STXBP5L: variants seen among roughly 807,000 people sequenced by gnomAD.
STXBP5L encodes the protein syntaxin-binding protein 5-like.
A neutral mutation model predicts 144.5 loss-of-function variants in STXBP5L; 65 were observed. That is an observed-to-expected ratio of 0.45 (90% CI 0.37 to 0.55). The LOEUF is 0.55. STXBP5L is among the 20% of genes least tolerant of loss of function. The probability of loss-of-function intolerance (pLI) is 0.00; values close to 1 mark genes in which losing one functional copy is unlikely to be tolerated. For synonymous variants in STXBP5L, 505 were observed against 469.6 expected, an observed-to-expected ratio of 1.08 and a Z score of -0.97; for missense variants, 1,298 against 1,405.5, an observed-to-expected ratio of 0.92 and a Z score of 1.22.
intron 20 of STXBP5L, among the ~76,000 whole-genome samples, chr3:121,345,829 A>C (rs2044943150): frequency 6.6e-6 from 1 of 151,906 alleles, no homozygotes; most frequent in Non-Finnish European, 1.5e-5. Flanking sequence ...AGTAATTTTT[A>C]AATTCAGACA....
At chr3:121,129,065 G>T (rs1349828956) in intron 7 of STXBP5L, among the ~76,000 whole-genome samples, 1 of 152,020 alleles carries the variant, frequency 6.6e-6, no homozygotes, top group South Asian at 2.1e-4. Flanking sequence ...CCTCCAGTTA[G>T]AGGCGAGACA....
intron 2 of STXBP5L, among the ~76,000 whole-genome samples, chr3:120,916,656 A>G (rs1709117730): frequency 6.6e-6 from 1 of 152,188 alleles, no homozygotes; most frequent in African/African-American, 2.4e-5. Flanking sequence ...TAAAATCGAC[A>G]TCTTATTTGG....
intron 14 of STXBP5L, among the ~76,000 whole-genome samples, chr3:121,242,409 G>C (rs1320860704): frequency 6.6e-6 from 1 of 152,194 alleles, no homozygotes; most frequent in South Asian, 2.1e-4. Context: ...TGTAAATAGA[G>C]TTAAGGCTTT....
chr3:121,009,038 G>T (rs968337891), intron 3 of STXBP5L, among the ~76,000 whole-genome samples: 2 of 151,990 alleles, frequency 1.3e-5, no homozygotes, highest in Admixed American at 6.6e-5. Flanking sequence ...GAGACAGTGA[G>T]TAGATGAACT....
chr3:121,173,388 A>T (rs1559823384), intron 9 of STXBP5L, among the ~76,000 whole-genome samples: 1 of 151,450 alleles, frequency 6.6e-6, no homozygotes, highest in Non-Finnish European at 1.5e-5. Flanking sequence ...AGTAACAACA[A>T]AAAATGCTGG....
intron 2 of STXBP5L, among the ~76,000 whole-genome samples, chr3:120,937,583 A>G (rs184820059): frequency 7.2e-5 from 11 of 152,234 alleles, no homozygotes; most frequent in South Asian, 2.1e-4. Flanking sequence ...TGGGACAGCA[A>G]TTTGTCCTGT....
intron 5 of STXBP5L, among the ~76,000 whole-genome samples, chr3:121,056,561 T>G (rs1223338665): frequency 2.0e-5 from 3 of 152,160 alleles, no homozygotes; most frequent in Non-Finnish European, 4.4e-5. Context: ...ATAACCCACA[T>G]TTAAAATATT....
chr3:121,354,219 C>G (rs1191273922), intron 20 of STXBP5L, among the ~76,000 whole-genome samples: 3 of 152,256 alleles, frequency 2.0e-5, no homozygotes, highest in South Asian at 2.1e-4. Context: ...GAGCTGAGTT[C>G]AAGTCCTGGA....
intron 19 of STXBP5L, among the ~76,000 whole-genome samples, chr3:121,301,322 G>C (rs9289166): frequency 0.099 from 15,105 of 152,110 alleles, 1,186 homozygotes; most frequent in Admixed American, 0.2. Context: ...GTGAATGGGA[G>C]TTCACTCGAT....
intron 9 of STXBP5L, among the ~76,000 whole-genome samples, chr3:121,201,165 T>C (rs1351944704): frequency 6.6e-6 from 1 of 152,228 alleles, no homozygotes; most frequent in South Asian, 2.1e-4. Context: ...ATCTGGGTGG[T>C]ATATTGGCTC....
intron 9 of STXBP5L, among the ~76,000 whole-genome samples, chr3:121,190,594 C>T (rs978129384): frequency 1.5e-4 from 23 of 152,018 alleles, no homozygotes; most frequent in Middle Eastern, 3.4e-3. Context: ...GGGTGGCGGC[C>T]GGGCACAGGG....
At chr3:120,989,119 G>A (rs998317447) in intron 3 of STXBP5L, among the ~76,000 whole-genome samples, 7 of 152,018 alleles carry the variant, frequency 4.6e-5, no homozygotes, top group Non-Finnish European at 1.0e-4. Flanking sequence ...CTTGTGCTGT[G>A]CTAAATGTAT....
intron 5 of STXBP5L, among the ~76,000 whole-genome samples, chr3:121,078,440 C>A (rs1395391579): frequency 6.6e-6 from 1 of 152,266 alleles, no homozygotes; most frequent in Non-Finnish European, 1.5e-5. Flanking sequence ...TCCAAGTTCC[C>A]ACCAGGCTGA....
intron 3 of STXBP5L, among the ~76,000 whole-genome samples, chr3:121,025,900 A>C (rs1009212074): frequency 4.1e-5 from 6 of 146,066 alleles, no homozygotes; most frequent in African/African-American, 1.2e-4. Flanking sequence ...ATAATATATA[A>C]ATTATATAAA....
intron 20 of STXBP5L, among the ~76,000 whole-genome samples, chr3:121,341,888 G>T (rs928329220): frequency 6.6e-6 from 1 of 151,898 alleles, no homozygotes; most frequent in Non-Finnish European, 1.5e-5. Flanking sequence ...TAGTTAATGA[G>T]TATAAAAAAT....
intron 22 of STXBP5L, among the ~76,000 whole-genome samples, chr3:121,388,076 C>A (rs1008131877): frequency 6.6e-6 from 1 of 152,092 alleles, no homozygotes; most frequent in Non-Finnish European, 1.5e-5. Context: ...CTTTTATTTC[C>A]TTGAGCAGTG....
At chr3:121,095,217 C>G (rs1400404988) in intron 5 of STXBP5L, among the ~76,000 whole-genome samples, 3 of 152,206 alleles carry the variant, frequency 2.0e-5, no homozygotes, top group Non-Finnish European at 4.4e-5. Flanking sequence ...GCTGCCTTAA[C>G]ATTTTTTCCT....
At position 121,294,624 on chromosome 3, in the gene STXBP5L, CAA is replaced by C. The variant is rs530275980; in HGVS notation, c.2110+14669_2110+14670del. ...AGGAGGAAGCATAGAAGGAAGAAGA[CAA>C]GAGAGAAAAAGAGAAAGCAAGAGAG... On this transcript the variant is annotated intron_variant, in intron 19 of 26. Transcript: ENST00000471454. Among the ~76,000 whole-genome samples, 167 of 150,776 alleles carry C rather than the reference CAA, an allele frequency of 1.1e-3. 1 individual carries two copies. Among genetic ancestry groups the C allele is most frequent in the Middle Eastern group, 3.4e-3 (1 of 292 alleles).
At chr3:121,098,363 G>C (rs2043236578) in intron 5 of STXBP5L, among the ~76,000 whole-genome samples, 1 of 152,100 alleles carries the variant, frequency 6.6e-6, no homozygotes, top group Admixed American at 6.6e-5. Flanking sequence ...AGAGAGAGAG[G>C]CAGGAGGTGC....
Sources: allele counts gnomAD v4.1 joint callset (sites outside exome capture counted in the v4.1 genomes callset), GRCh38; gene constraint gnomAD v4.1.1; transcripts MANE v1.5; gene names NCBI Gene and HGNC (gene_info 2026-07-23, HGNC 2026-07-21).